The following RHOJ variants were observed in gnomAD, a reference collection of about 807,000 sequenced individuals.
RHOJ encodes the protein rho-related GTP-binding protein RhoJ.
RHOJ carries 11 observed loss-of-function variants against 23.4 expected under a neutral mutation model. That is an observed-to-expected ratio of 0.47 (90% CI 0.30 to 0.78). The LOEUF is 0.78. Among genes scored for constraint, RHOJ ranks in the 30% least tolerant of loss-of-function variants. The pLI is 0.08. For synonymous variants in RHOJ, 102 were observed against 102.7 expected (o/e 0.99, Z 0.04); for missense variants, 254 against 273.4 (o/e 0.93, Z 0.50).
Position 63,271,424 on chromosome 14 carries a change from C to A in RHOJ, c.237+2256C>A, listed in dbSNP as rs536154908. ...TACTAAATAATGGGAATGTGTTACA[C>A]TACAGGATAACTTGTAATTCATTTT... On this transcript the variant is annotated intron_variant, in intron 2 of 4. Transcript: ENST00000316754. Among the ~76,000 whole-genome samples, 5 of 152,334 alleles carry A rather than the reference C, an allele frequency of 3.3e-5. No homozygotes were observed. In the South Asian group the frequency reaches 8.3e-4, roughly 25 times the overall value.
intron 1 of RHOJ, among the ~76,000 whole-genome samples, chr14:63,213,011 A>G (rs530918701): frequency 6.6e-6 from 1 of 152,328 alleles, no homozygotes; most frequent in African/African-American, 2.4e-5. Flanking sequence ...CTAAGCCAAC[A>G]GCACATGTAT....
At chr14:63,257,161 C>T (rs112912328) in intron 1 of RHOJ, among the ~76,000 whole-genome samples, 6,635 of 146,668 alleles carry the variant, frequency 0.045, 697 homozygotes, top group African/African-American at 0.15. Context: ...TTGTTTAAAA[C>T]CAGGAGCTGG....
intron 1 of RHOJ, among the ~76,000 whole-genome samples, chr14:63,224,372 G>A (rs2096203784): frequency 1.3e-5 from 2 of 152,154 alleles, no homozygotes; most frequent in Admixed American, 1.3e-4. Flanking sequence ...TTCATGTACT[G>A]TAACTCATGC....
At chr14:63,208,850 G>A (rs749800421) in intron 1 of RHOJ, among the ~76,000 whole-genome samples, 2 of 151,982 alleles carry the variant, frequency 1.3e-5, no homozygotes, top group Non-Finnish European at 2.9e-5. Context: ...TCATATATCC[G>A]ACTATTTGAA....
At chr14:63,205,918 T>TA (rs1894099356) in intron 1 of RHOJ, among the ~76,000 whole-genome samples, 1 of 152,226 alleles carries the variant, frequency 6.6e-6, no homozygotes, top group Non-Finnish European at 1.5e-5. Flanking sequence ...AAAAGCAAGT[T>TA]AATGAAATTC....
chr14:63,243,614 A>T (rs1894923767), intron 1 of RHOJ, among the ~76,000 whole-genome samples: 1 of 152,172 alleles, frequency 6.6e-6, no homozygotes, highest in African/African-American at 2.4e-5. Context: ...TGCCAGGATT[A>T]CAGGCATAAG....
chr14:63,283,242 TA>T, intron 4 of RHOJ, 26 bp downstream of exon 4: 1 of 1,556,104 alleles, frequency 6.4e-7, no homozygotes, highest in South Asian at 1.1e-5. Flanking sequence ...AATTTCATTT[TA>T]AATGTATGCT....
intron 1 of RHOJ, among the ~76,000 whole-genome samples, chr14:63,266,188 T>C (rs1342966751): frequency 5.3e-5 from 8 of 152,208 alleles, no homozygotes; most frequent in Admixed American, 1.3e-4. Context: ...TTTGGTTTCT[T>C]TCAAGGCTTG....
chr14:63,222,986 G>A (rs1894526368), intron 1 of RHOJ, among the ~76,000 whole-genome samples: 1 of 152,170 alleles, frequency 6.6e-6, no homozygotes, highest in Non-Finnish European at 1.5e-5. Flanking sequence ...GCTAGGGAAG[G>A]AAGGACACAG....
chr14:63,238,816 A>G (rs1164398853), intron 1 of RHOJ, among the ~76,000 whole-genome samples: 1 of 152,196 alleles, frequency 6.6e-6, no homozygotes, highest in Non-Finnish European at 1.5e-5. Context: ...GGGGATTTTC[A>G]TATATATCCG....
intron 4 of RHOJ, 30 bp from the exon 5 acceptor site, chr14:63,290,848 T>A (rs534331350): frequency 1.3e-5 from 20 of 1,578,198 alleles, no homozygotes; most frequent in Non-Finnish European, 1.5e-5. Context: ...CTTTTTTATC[T>A]CTCATGCCTT....
At chr14:63,261,282 A>G (rs1021775612) in intron 1 of RHOJ, among the ~76,000 whole-genome samples, 9 of 152,144 alleles carry the variant, frequency 5.9e-5, no homozygotes, top group Admixed American at 5.9e-4. Flanking sequence ...TATCAAAGAT[A>G]TAATCTTCTT....
chr14:63,227,861 C>A (rs1894622929), intron 1 of RHOJ, among the ~76,000 whole-genome samples: 1 of 152,074 alleles, frequency 6.6e-6, no homozygotes, highest in Non-Finnish European at 1.5e-5. Flanking sequence ...TTTCAGAGCC[C>A]CTCATTTGCA....
chr14:63,223,465 C>T (rs1245873807), intron 1 of RHOJ, among the ~76,000 whole-genome samples: 1 of 152,228 alleles, frequency 6.6e-6, no homozygotes, highest in East Asian at 1.9e-4. Flanking sequence ...TCCATTCTCT[C>T]ATCCCCCTGT....
intron 1 of RHOJ, among the ~76,000 whole-genome samples, chr14:63,268,171 A>C: frequency 6.6e-6 from 1 of 152,086 alleles, no homozygotes; most frequent in South Asian, 2.1e-4. Flanking sequence ...AAAAACTCAC[A>C]CTTTTCTTCA....
chr14:63,240,373 T>C (rs1343126907), intron 1 of RHOJ, among the ~76,000 whole-genome samples: 1 of 152,216 alleles, frequency 6.6e-6, no homozygotes, highest in Admixed American at 6.5e-5. Context: ...TTAGTTGCTA[T>C]GCGGAGCAAT....
At chr14:63,234,270 A>G (rs1894747945) in intron 1 of RHOJ, among the ~76,000 whole-genome samples, 1 of 152,202 alleles carries the variant, frequency 6.6e-6, no homozygotes, top group Non-Finnish European at 1.5e-5. Context: ...ATAGTACCTT[A>G]TCTGCGCCTT....
At chr14:63,216,705 A>T (rs1019025026) in intron 1 of RHOJ, among the ~76,000 whole-genome samples, 2 of 152,228 alleles carry the variant, frequency 1.3e-5, no homozygotes, top group African/African-American at 4.8e-5. Flanking sequence ...AGAGTTTTCC[A>T]TAGTAAACAC....
intron 1 of RHOJ, among the ~76,000 whole-genome samples, chr14:63,230,041 C>A (rs1245851034): frequency 6.6e-6 from 1 of 152,142 alleles, no homozygotes; most frequent in African/African-American, 2.4e-5. Flanking sequence ...AGAACACCAG[C>A]TGGTGTGTCT....
Sources: gnomAD v4.1 joint callset for allele counts (sites outside exome capture counted in the v4.1 genomes callset) on GRCh38, gnomAD v4.1.1 for gene constraint, MANE v1.5 for transcripts, NCBI Gene and HGNC (gene_info 2026-07-23, HGNC 2026-07-21) for gene names.